DENND2C: variants seen among roughly 807,000 people sequenced by gnomAD.
DENND2C encodes the protein DENN domain containing 2C.
DENND2C carries 72 observed loss-of-function variants against 112.4 expected under a neutral mutation model. The ratio of observed to expected loss-of-function variants is 0.64; its 90% CI spans 0.53 to 0.78. The LOEUF (loss-of-function observed/expected upper bound fraction) is 0.78. Among genes scored for constraint, DENND2C ranks in the 30% least tolerant of loss-of-function variants. The probability of loss-of-function intolerance (pLI) is 0.00; values close to 1 mark genes in which losing one functional copy is unlikely to be tolerated. For missense variants in DENND2C, 992 were observed against 1,113.8 expected, an observed-to-expected ratio of 0.89 and a Z score of 1.56; for synonymous variants, 329 against 381.6, an observed-to-expected ratio of 0.86 and a Z score of 1.61.
At chr1:114,605,525 CACTGGCCTGTAATCCCAGCACTT>C (rs1655636026) in intron 10 of DENND2C, among the ~76,000 whole-genome samples, 1 of 152,224 alleles carries the variant, frequency 6.6e-6, no homozygotes, top group Non-Finnish European at 1.5e-5. Context: ...CGGCCAGATG[CACTGGCCTGTAATCCCAGCACTT>C]TGGGAGCCCA....
At chr1:114,628,891 C>A (rs1656416816) in intron 3 of DENND2C, among the ~76,000 whole-genome samples, 1 of 152,202 alleles carries the variant, frequency 6.6e-6, no homozygotes, top group Admixed American at 6.5e-5. Context: ...TATTGGTAGA[C>A]ATCCTAACTC....
At position 114,585,589 on chromosome 1, in the gene DENND2C, A is replaced by G; in HGVS notation, c.*11T>C. The G allele has an allele frequency of 6.2e-7, 1 of 1,613,776 alleles. No individual in the cohort carries two copies. The highest frequency in any genetic ancestry group is 8.5e-7 in the Non-Finnish European group (1 of 1,179,696). ...TCTGTTGTATATTCAGGATGGAGAC[A>G]ATCAGAGATTTCATTTCTTTTGCAG... On this transcript the variant is annotated 3_prime_UTR_variant, in exon 21 of 21. Transcript: ENST00000393274.
At chr1:114,643,124 G>A (rs952354585) in intron 3 of DENND2C, among the ~76,000 whole-genome samples, 4 of 152,132 alleles carry the variant, frequency 2.6e-5, no homozygotes, top group Admixed American at 2.0e-4. Context: ...TGAAGGGGAG[G>A]TAGTATGAAT....
intron 20 of DENND2C, chr1:114,587,186 G>C: frequency 1.7e-6 from 1 of 593,680 alleles, no homozygotes; most frequent in Non-Finnish European, 3.0e-6. Context: ...ACAGGCATAA[G>C]CCACCATGCC....
intron 18 of DENND2C, among the ~76,000 whole-genome samples, chr1:114,590,906 A>G (rs1398035593): frequency 6.6e-6 from 1 of 152,144 alleles, no homozygotes; most frequent in East Asian, 1.9e-4. Context: ...TTTACTAGAT[A>G]ATGCCAACTT....
Position 114,620,621 on chromosome 1 carries a change from C to G in DENND2C, c.1227+1274G>C, listed in dbSNP as rs911064539. On this transcript the variant is annotated intron_variant, in intron 7 of 20. Coordinates refer to ENST00000393274, the MANE Select transcript of DENND2C (RefSeq NM_001256404.2). ...CATGTGGGAGGCTGCTTTGTTGTGCCAACATGATCTACCAGAGGGCGCAGC... is the reference window on the plus strand; with the variant it reads ...CATGTGGGAGGCTGCTTTGTTGTGCGAACATGATCTACCAGAGGGCGCAGC... Among the ~76,000 whole-genome samples, 5 of 152,200 alleles carry G rather than the reference C, an allele frequency of 3.3e-5. No individual in the cohort carries two copies. In the East Asian group the frequency reaches 5.8e-4, roughly 18 times the overall value.
chr1:114,659,963 T>TTG (rs1553238673), intron 1 of DENND2C, among the ~76,000 whole-genome samples: 1 of 151,968 alleles, frequency 6.6e-6, no homozygotes, highest in Non-Finnish European at 1.5e-5. Flanking sequence ...GCTAATTTTT[T>TTG]TATTTTTAGT....
chr1:114,608,191 T>G (rs1570767668), intron 10 of DENND2C, among the ~76,000 whole-genome samples: 1 of 151,360 alleles, frequency 6.6e-6, no homozygotes, highest in Non-Finnish European at 1.5e-5. Flanking sequence ...ACCTGGGAGG[T>G]GGAGGTTGCA....
At chr1:114,642,927 C>G (rs1420245270) in intron 3 of DENND2C, among the ~76,000 whole-genome samples, 1 of 152,132 alleles carries the variant, frequency 6.6e-6, no homozygotes, top group East Asian at 1.9e-4. Flanking sequence ...CTTCCTTAGC[C>G]CTTTCCCCAG....
intron 1 of DENND2C, among the ~76,000 whole-genome samples, chr1:114,661,365 T>C (rs1193009457): frequency 6.6e-6 from 1 of 152,172 alleles, no homozygotes; most frequent in Admixed American, 6.5e-5. Context: ...GAATTATAGA[T>C]GAATACTTTT....
rs1241179307 is a variant in DENND2C, at chr1:114,668,540, C to G, written c.-574+1443G>C. ...CATTCAACACACACACACACACACA[C>G]ACACACACACACACCCCAACTAATG... On this transcript the variant is annotated intron_variant, in intron 1 of 20. Transcript: ENST00000393274. Among the ~76,000 whole-genome samples, 3 of 151,694 alleles carry G rather than the reference C, an allele frequency of 2.0e-5. No homozygotes were observed. The East Asian group carries it at 5.8e-4, about 29-fold the overall frequency.
intron 1 of DENND2C, among the ~76,000 whole-genome samples, chr1:114,664,336 G>T (rs768118568): frequency 3.8e-4 from 58 of 152,228 alleles, no homozygotes; most frequent in Admixed American, 1.8e-3. Context: ...ACGGAAGCTG[G>T]GCACAGTGGC....
chr1:114,622,062 G>A lies in DENND2C; in HGVS notation c.1060C>T (p.Pro354Ser), dbSNP rs1208178822. The A allele has an allele frequency of 6.5e-7, 1 of 1,537,552 alleles. No homozygotes were observed. Among genetic ancestry groups the A allele is most frequent in the African/African-American group, 1.4e-5 (1 of 72,204 alleles). ...CGGTGAAGGAACTGAGGTTTTGGAG[G>A]GAGCTAAAACAGGAGAAGATGTACT... Reference protein sequence around the residue: ...AKSAFKAPKLPPKPQFLHRKT... With the variant: ...AKSAFKAPKLSPKPQFLHRKT... Residue 354 changes from proline (P) to serine (S), a missense_variant, in exon 7 of 21, where the codon CCT becomes TCT. By Grantham distance (74) the Pro-to-Ser change is moderately conservative (BLOSUM62 -1). This residue lies in a region of DENND2C where 470 missense variants were observed against 472.7 expected (regional missense o/e 0.99). Coordinates refer to ENST00000393274, the MANE Select transcript of DENND2C (RefSeq NM_001256404.2).
At chr1:114,605,167 T>G in intron 10 of DENND2C, 136 bp from the exon 11 acceptor site, 1 of 578,996 alleles carries the variant, frequency 1.7e-6, no homozygotes, top group South Asian at 2.6e-5. Flanking sequence ...AGCATGGTTT[T>G]GTACTGCTTA....
intron 3 of DENND2C, among the ~76,000 whole-genome samples, chr1:114,638,550 G>A (rs1374729068): frequency 6.6e-6 from 1 of 152,042 alleles, no homozygotes; most frequent in Non-Finnish European, 1.5e-5. Context: ...TTTGAGCCCA[G>A]GAATCTGAGA....
intron 3 of DENND2C, among the ~76,000 whole-genome samples, chr1:114,637,685 C>A (rs948932806): frequency 6.6e-6 from 1 of 150,694 alleles, no homozygotes; most frequent in African/African-American, 2.4e-5. Flanking sequence ...ATTTTTATAT[C>A]TTTAGAAGAG....
At chr1:114,616,007 G>A (rs563889124) in intron 8 of DENND2C, among the ~76,000 whole-genome samples, 5 of 152,144 alleles carry the variant, frequency 3.3e-5, no homozygotes, top group African/African-American at 1.2e-4. Flanking sequence ...CCCGGGAGGC[G>A]GAGCTTGCAG....
intron 18 of DENND2C, among the ~76,000 whole-genome samples, chr1:114,590,196 C>T (rs748769439): frequency 1.3e-5 from 2 of 152,150 alleles, no homozygotes; most frequent in South Asian, 4.2e-4. Context: ...GAGCTTAGGA[C>T]AAGGCTGGGC....
At chr1:114,641,555 C>T (rs1327740935) in intron 3 of DENND2C, among the ~76,000 whole-genome samples, 1 of 151,988 alleles carries the variant, frequency 6.6e-6, no homozygotes, top group Non-Finnish European at 1.5e-5. Flanking sequence ...GATCCTGGCA[C>T]CTCCTCTCAA....
Sources: allele counts gnomAD v4.1 joint callset (sites outside exome capture counted in the v4.1 genomes callset), GRCh38; gene constraint gnomAD v4.1.1; regional missense constraint gnomAD v4.1.1; transcripts MANE v1.5; gene names NCBI Gene and HGNC (gene_info 2026-07-23, HGNC 2026-07-21).